ITPR2: variants seen among roughly 807,000 people sequenced by gnomAD.
The protein encoded by ITPR2 is inositol 1,4,5-trisphosphate-gated calcium channel ITPR2.
Under a neutral mutation model 317.1 loss-of-function variants are expected in ITPR2, and 207 were observed. The observed-to-expected ratio is 0.65, with a 90% confidence interval of 0.58 to 0.73. The LOEUF (loss-of-function observed/expected upper bound fraction) is 0.73, where lower values mean the gene tolerates loss of function less well. Ranked by LOEUF, ITPR2 falls within the 30% of genes least tolerant of loss-of-function variation. The pLI, the probability that ITPR2 is intolerant of heterozygous loss-of-function variation, is 0.00. For synonymous variants in ITPR2, 1,156 were observed against 1,149.1 expected, an observed-to-expected ratio of 1.01 and a Z score of -0.12; for missense variants, 2,613 against 3,284.0, an observed-to-expected ratio of 0.80 and a Z score of 4.99.
At chr12:26,367,462 C>T (rs1209232678) in intron 55 of ITPR2, among the ~76,000 whole-genome samples, 2 of 111,942 alleles carry the variant, frequency 1.8e-5, no homozygotes, top group African/African-American at 3.5e-5. Flanking sequence ...ATCATTTTCA[C>T]ATCCACCAAA....
rs78166395 is a variant in ITPR2, at chr12:26,471,545, A to C, written c.6342+3751T>G. ...TTGAGGTACTTATAGTTTTATGTAG[A>C]TCAGACAAGACACTTACAAGAAGCA... is the stretch of plus-strand genomic sequence containing the variant. On this transcript the variant is annotated intron_variant, in intron 45 of 56. Coordinates refer to ENST00000381340, the MANE Select transcript of ITPR2 (RefSeq NM_002223.4). 4.3e-3 allele frequency among the ~76,000 whole-genome samples: 652 copies of C among 152,326 alleles called. 6 individuals are homozygous for C. Among genetic ancestry groups the C allele is most frequent in the African/African-American group, 0.015 (614 of 41,554 alleles).
chr12:26,793,492 C>T (rs1464561971), intron 1 of ITPR2, among the ~76,000 whole-genome samples: 1 of 152,116 alleles, frequency 6.6e-6, no homozygotes, highest in East Asian at 1.9e-4. Flanking sequence ...ATCTGCTCTG[C>T]ACTCCCACAA....
chr12:26,699,258 T>C (rs1948402382), intron 9 of ITPR2, among the ~76,000 whole-genome samples: 1 of 152,168 alleles, frequency 6.6e-6, no homozygotes. Context: ...ACTTAGATCA[T>C]ATATTCTACC....
At chr12:26,499,057 CAAAT>C (rs919070310) in intron 37 of ITPR2, among the ~76,000 whole-genome samples, 3 of 152,070 alleles carry the variant, frequency 2.0e-5, no homozygotes, top group African/African-American at 4.8e-5. Flanking sequence ...AACAGATAAA[CAAAT>C]AAATTTTTTT....
At chr12:26,786,457 A>T (rs1249542672) in intron 2 of ITPR2, among the ~76,000 whole-genome samples, 2 of 151,608 alleles carry the variant, frequency 1.3e-5, no homozygotes, top group Admixed American at 1.3e-4. Context: ...AATAAAAAAA[A>T]AAAAAAAAAA....
intron 2 of ITPR2, among the ~76,000 whole-genome samples, chr12:26,756,619 C>T (rs1469896276): frequency 6.6e-6 from 1 of 152,182 alleles, no homozygotes; most frequent in Non-Finnish European, 1.5e-5. Flanking sequence ...ACGGATAGCC[C>T]TCACCATACT....
At chr12:26,625,204 G>A (rs1333586877) in intron 23 of ITPR2, among the ~76,000 whole-genome samples, 2 of 151,938 alleles carry the variant, frequency 1.3e-5, no homozygotes, top group Admixed American at 6.6e-5. Flanking sequence ...AAGGTAGTGG[G>A]GTGGGCGGAG....
chr12:26,829,154 G>T (rs1332113255), intron 1 of ITPR2, among the ~76,000 whole-genome samples: 1 of 152,020 alleles, frequency 6.6e-6, no homozygotes, highest in Non-Finnish European at 1.5e-5. Context: ...CCCACATACA[G>T]CAGAATTTGG....
chr12:26,660,686 GTTA>G (rs1332116595), intron 15 of ITPR2, among the ~76,000 whole-genome samples: 1 of 152,100 alleles, frequency 6.6e-6, no homozygotes, highest in East Asian at 1.9e-4. Flanking sequence ...AATGTCTTCT[GTTA>G]TTATATCATT....
rs1166933208 is a variant in ITPR2, at chr12:26,580,077, C to A, written c.4459G>T (p.Val1487Leu). 1 of 1,611,820 alleles carries A rather than the reference C, an allele frequency of 6.2e-7. No homozygotes were observed. The highest frequency in any genetic ancestry group is 8.5e-7 in the Non-Finnish European group (1 of 1,178,242). Residue 1487 changes from valine (V) to leucine (L), a missense_variant, in exon 33 of 57, where the codon GTG becomes TTG. Val to Leu is a conservative substitution (Grantham distance 32). Coordinates refer to ENST00000381340, the MANE Select transcript of ITPR2 (RefSeq NM_002223.4). ...AAGGGAGAATTAAAGAAGCCGCTCA[C>A]AATATTCATTATTGACTCAGTAACA... ...KCVTESIMNIVSGFFNSPFSD... is the reference protein window; with the variant it reads ...KCVTESIMNILSGFFNSPFSD...
chr12:26,451,998 G>A (rs1565534413), intron 45 of ITPR2, among the ~76,000 whole-genome samples: 1 of 151,998 alleles, frequency 6.6e-6, no homozygotes, highest in Non-Finnish European at 1.5e-5. Flanking sequence ...TCTCAAAATG[G>A]GGTTTCTGGG....
chr12:26,390,798 AAGAG>A (rs1219043132), intron 54 of ITPR2, among the ~76,000 whole-genome samples: 1 of 152,190 alleles, frequency 6.6e-6, no homozygotes, highest in African/African-American at 2.4e-5. Context: ...TAAAAAACAA[AAGAG>A]AGAAAAACAA....
intron 34 of ITPR2, among the ~76,000 whole-genome samples, chr12:26,570,312 G>A (rs575707352): frequency 1.3e-5 from 2 of 152,188 alleles, no homozygotes; most frequent in Admixed American, 1.3e-4. Context: ...TAAATCAGTT[G>A]AGTTAATAAA....
chr12:26,594,641 T>C (rs1409177678), intron 32 of ITPR2, among the ~76,000 whole-genome samples: 1 of 152,096 alleles, frequency 6.6e-6, no homozygotes, highest in East Asian at 1.9e-4. Context: ...CTATATACTG[T>C]CTTCTTTAGT....
Position 26,556,388 on chromosome 12 carries a change from ACACAAGAGAACC to A in ITPR2, c.4822-25_4822-14del, listed in dbSNP as rs779985065. On this transcript the variant is annotated splice_polypyrimidine_tract_variant and intron_variant, in intron 35 of 56. Transcript: ENST00000381340. Reference sequence around the variant, plus strand: ...AGGCCACTACATCCTAGGGAATGAAACACAAGAGAACCCACATGAAGGCGTAAGTCAGATTTC... The same window carrying A: ...AGGCCACTACATCCTAGGGAATGAAACACATGAAGGCGTAAGTCAGATTTC... 9 of 1,604,990 alleles carry A rather than the reference ACACAAGAGAACC, an allele frequency of 5.6e-6. No homozygotes were observed. The highest frequency in any genetic ancestry group is 7.6e-6 in the Non-Finnish European group (9 of 1,177,388).
chr12:26,520,192 G>T (rs1377522491), intron 37 of ITPR2, among the ~76,000 whole-genome samples: 1 of 152,150 alleles, frequency 6.6e-6, no homozygotes, highest in Non-Finnish European at 1.5e-5. Flanking sequence ...TTGCCTCTCA[G>T]CTCCAAACTC....
intron 34 of ITPR2, among the ~76,000 whole-genome samples, chr12:26,578,336 T>C (rs973030263): frequency 5.3e-5 from 8 of 152,046 alleles, no homozygotes; most frequent in African/African-American, 1.4e-4. Context: ...TCAAACAAAA[T>C]TGGAAAACTA....
chr12:26,400,047 C>T, intron 53 of ITPR2, 81 bp downstream of exon 53: 3 of 1,420,370 alleles, frequency 2.1e-6, no homozygotes, highest in Non-Finnish European at 2.8e-6. Context: ...TCCTGAAAAC[C>T]AAAACTAAAT....
chr12:26,349,244 T>G (rs1395646156), intron 55 of ITPR2, among the ~76,000 whole-genome samples: 1 of 151,970 alleles, frequency 6.6e-6, no homozygotes, highest in Non-Finnish European at 1.5e-5. Flanking sequence ...GGAAGAAGAG[T>G]AAGAGTGAAT....
Sources: gnomAD v4.1 joint callset for allele counts (sites outside exome capture counted in the v4.1 genomes callset) on GRCh38, gnomAD v4.1.1 for gene constraint, MANE v1.5 for transcripts, NCBI Gene and HGNC (gene_info 2026-07-23, HGNC 2026-07-21) for gene names.